Variants in EYS observed in about 807,000 individuals in gnomAD.
The protein encoded by EYS is EGF-like photoreceptor maintenance factor, also known as protein eyes shut homolog.
EYS carries 250 observed loss-of-function variants against 282.1 expected under a neutral mutation model. The observed-to-expected ratio is 0.89, with a 90% CI of 0.80 to 0.98. The LOEUF is 0.98. Among genes scored for constraint, EYS ranks in the 50% least tolerant of loss-of-function variants. The probability of loss-of-function intolerance (pLI) is 0.00; values close to 1 mark genes in which losing one functional copy is unlikely to be tolerated. For missense variants in EYS, 4,016 were observed against 3,709.0 expected (o/e 1.08, Z -2.15); for synonymous variants, 1,355 against 1,282.9 (o/e 1.06, Z -1.20).
intron 22 of EYS, among the ~76,000 whole-genome samples, chr6:64,633,068 G>T (rs1399201245): frequency 6.6e-6 from 1 of 151,992 alleles, no homozygotes; most frequent in African/African-American, 2.4e-5. Context: ...GTATCTTGAA[G>T]GTCATTTTAA....
intron 12 of EYS, among the ~76,000 whole-genome samples, chr6:65,086,479 C>A (rs77756875): frequency 6.6e-6 from 1 of 151,904 alleles, no homozygotes; most frequent in East Asian, 1.9e-4. Flanking sequence ...TAGCATAGAT[C>A]ACATATGGAA....
At chr6:63,790,854 G>A (rs1315668841) in intron 37 of EYS, among the ~76,000 whole-genome samples, 1 of 152,168 alleles carries the variant, frequency 6.6e-6, no homozygotes, top group African/African-American at 2.4e-5. Context: ...CCAGGTTATG[G>A]GAGTGGAGCC....
chr6:65,079,307 A>G (rs1048556646), intron 12 of EYS, among the ~76,000 whole-genome samples: 1 of 152,094 alleles, frequency 6.6e-6, no homozygotes, highest in African/African-American at 2.4e-5. Flanking sequence ...TGCAAGAGGA[A>G]CTGAATTTTT....
At chr6:64,854,602 G>T (rs994606579) in intron 19 of EYS, among the ~76,000 whole-genome samples, 1 of 121,602 alleles carries the variant, frequency 8.2e-6, no homozygotes, top group Non-Finnish European at 1.7e-5. Flanking sequence ...TGGGGTGGGG[G>T]GAGGGGGGAG....
At chr6:64,931,731 C>T (rs182100323) in intron 15 of EYS, among the ~76,000 whole-genome samples, 1 of 152,146 alleles carries the variant, frequency 6.6e-6, no homozygotes, top group East Asian at 1.9e-4. Context: ...TTATTTATCA[C>T]CATAACCCTG....
At chr6:63,723,234 CATGT>C (rs1261374585) in intron 42 of EYS, among the ~76,000 whole-genome samples, 1 of 152,022 alleles carries the variant, frequency 6.6e-6, no homozygotes, top group Admixed American at 6.6e-5. Flanking sequence ...TAATTTCTAA[CATGT>C]ATAGCATTTT....
intron 1 of EYS, among the ~76,000 whole-genome samples, chr6:65,645,668 A>G (rs961786647): frequency 6.6e-6 from 1 of 152,080 alleles, no homozygotes; most frequent in Non-Finnish European, 1.5e-5. Flanking sequence ...GAAGAAAATA[A>G]ATAATGAATA....
intron 14 of EYS, among the ~76,000 whole-genome samples, chr6:64,984,832 C>T (rs774721377): frequency 6.6e-6 from 1 of 151,390 alleles, no homozygotes; most frequent in South Asian, 2.1e-4. Context: ...GTAGCAAAAT[C>T]AGTTTCTTGT....
chr6:65,434,414 A>G (rs1002490241), intron 5 of EYS, among the ~76,000 whole-genome samples: 24 of 148,118 alleles, frequency 1.6e-4, no homozygotes, highest in East Asian at 6.0e-4. Context: ...TCTGCCTCCC[A>G]CGTTCACGCC....
intron 12 of EYS, among the ~76,000 whole-genome samples, chr6:65,209,575 A>G (rs1179744445): frequency 6.6e-6 from 1 of 151,920 alleles, no homozygotes; most frequent in South Asian, 2.1e-4. Context: ...TTTAATATGT[A>G]TTATGTGTCA....
chr6:65,632,861 TAAATA>T (rs1253028772), intron 2 of EYS, among the ~76,000 whole-genome samples: 4 of 152,158 alleles, frequency 2.6e-5, no homozygotes, highest in Non-Finnish European at 5.9e-5. Context: ...CCAAGTAAGT[TAAATA>T]ACTTTCCCTG....
intron 14 of EYS, among the ~76,000 whole-genome samples, chr6:64,967,404 A>C (rs563985326): frequency 1.3e-3 from 198 of 151,636 alleles, no homozygotes; most frequent in African/African-American, 4.6e-3. Flanking sequence ...GGCTCACTTC[A>C]ACCTCTGCCT....
chr6:65,509,639 T>C (rs1295583302), intron 2 of EYS, among the ~76,000 whole-genome samples: 8 of 152,342 alleles, frequency 5.3e-5, no homozygotes, highest in African/African-American at 1.2e-4. Context: ...GACTTGCAAA[T>C]ATTTCCTAAC....
intron 30 of EYS, among the ~76,000 whole-genome samples, chr6:64,267,117 A>G (rs1234162644): frequency 6.6e-6 from 1 of 152,202 alleles, no homozygotes; most frequent in Non-Finnish European, 1.5e-5. Flanking sequence ...TTTTTGAAGA[A>G]TCTAAAGATA....
intron 2 of EYS, among the ~76,000 whole-genome samples, chr6:65,595,450 CTA>C (rs1419399345): frequency 6.6e-6 from 1 of 150,986 alleles, no homozygotes; most frequent in Non-Finnish European, 1.5e-5. Context: ...CACATGTACC[CTA>C]GAACTTAAAG....
chr6:63,778,964 A>G (rs942974211), intron 39 of EYS, among the ~76,000 whole-genome samples: 4 of 151,976 alleles, frequency 2.6e-5, no homozygotes, highest in African/African-American at 9.7e-5. Context: ...TTGTATTTAT[A>G]GTATATAAAG....
chr6:65,326,500 A>G lies in EYS; in HGVS notation c.1766+8480T>C, dbSNP rs1342558284. On this transcript the variant is annotated intron_variant, in intron 11 of 42. Transcript: ENST00000503581. ...AATGTTTGATTTAACACCCCAGAAC[A>G]TATTTTAATACCTTGTTTTAATATC... is the stretch of plus-strand genomic sequence containing the variant. Among the ~76,000 whole-genome samples, 3 of 151,528 alleles carry G rather than the reference A, an allele frequency of 2.0e-5. No individual in the cohort carries two copies. The South Asian group carries it at 6.2e-4, about 31-fold the overall frequency.
chr6:64,075,022 A>T (rs192420252), intron 32 of EYS, among the ~76,000 whole-genome samples: 1 of 152,066 alleles, frequency 6.6e-6, no homozygotes, highest in African/African-American at 2.4e-5. Context: ...CAGTCAGATG[A>T]TCTGTTTATC....
At chr6:65,397,478 C>G (rs1562150577) in intron 7 of EYS, among the ~76,000 whole-genome samples, 1 of 151,786 alleles carries the variant, frequency 6.6e-6, no homozygotes, top group Non-Finnish European at 1.5e-5. Context: ...AGGTTTTTTA[C>G]TTTCTGGTTC....
Sources: gnomAD v4.1 joint callset for allele counts (sites outside exome capture counted in the v4.1 genomes callset) on GRCh38, gnomAD v4.1.1 for gene constraint, MANE v1.5 for transcripts, NCBI Gene and HGNC (gene_info 2026-07-23, HGNC 2026-07-21) for gene names.